MLXIP: variants seen among roughly 807,000 people sequenced by gnomAD.
MLXIP encodes the protein MLX-interacting protein.
In MLXIP, 30 loss-of-function variants were observed where a neutral mutation model predicts 87.2. The ratio of observed to expected loss-of-function variants is 0.34; its 90% confidence interval spans 0.26 to 0.47. The LOEUF (loss-of-function observed/expected upper bound fraction) is 0.47. MLXIP is among the 20% of genes least tolerant of loss of function. MLXIP has a pLI of 1.00. For synonymous variants in MLXIP, 530 were observed against 514.0 expected (o/e 1.03, Z -0.42); for missense variants, 1,002 against 1,240.1 (o/e 0.81, Z 2.88).
At chr12:122,134,209 T>C (rs1593113504) in intron 9 of MLXIP, 2 of 629,878 alleles carry the variant, frequency 3.2e-6, no homozygotes, top group East Asian at 3.1e-5. Flanking sequence ...TGTTTGGTTT[T>C]TTTTTTTTTG....
intron 1 of MLXIP, among the ~76,000 whole-genome samples, chr12:122,121,010 G>GATTTTT (rs1893326696): frequency 8.9e-6 from 1 of 111,910 alleles, no homozygotes; most frequent in Non-Finnish European, 1.7e-5. Flanking sequence ...TGCATGCTTG[G>GATTTTT]TTTTTTTTTT....
At chr12:122,094,656 TGGTGTGTGTGCA>T (rs1343859974) in intron 1 of MLXIP, among the ~76,000 whole-genome samples, 2 of 142,064 alleles carry the variant, frequency 1.4e-5, no homozygotes, top group Non-Finnish European at 3.1e-5. Context: ...TGTGGTGTGT[TGGTGTGTGTGCA>T]GGTGTGTGTG....
chr12:122,121,944 A>G (rs1180183855), intron 1 of MLXIP, among the ~76,000 whole-genome samples: 1 of 152,210 alleles, frequency 6.6e-6, no homozygotes, highest in Non-Finnish European at 1.5e-5. Context: ...TAATAACTGC[A>G]TATTTAAAAC....
chr12:122,095,931 C>T (rs1490680422), intron 1 of MLXIP, among the ~76,000 whole-genome samples: 1 of 151,918 alleles, frequency 6.6e-6, no homozygotes, highest in Non-Finnish European at 1.5e-5. Context: ...GTGGCGCGAT[C>T]TCAGCTCACT....
At chr12:122,108,867 G>T (rs1418072986) in intron 1 of MLXIP, among the ~76,000 whole-genome samples, 1 of 152,082 alleles carries the variant, frequency 6.6e-6, no homozygotes, top group Non-Finnish European at 1.5e-5. Flanking sequence ...TATTCTTCCA[G>T]GAGGCCTTCA....
chr12:122,109,268 T>C (rs1000487343), intron 1 of MLXIP, among the ~76,000 whole-genome samples: 3 of 152,086 alleles, frequency 2.0e-5, no homozygotes, highest in African/African-American at 4.8e-5. Context: ...GGGGTTGCAC[T>C]GTGTTGGCTA....
Position 122,133,700 on chromosome 12 carries a change from C to G in MLXIP, c.1445C>G (p.Ser482Cys). 1.9e-6 allele frequency: 3 copies of G among 1,613,778 alleles called. No individual in the cohort carries two copies. The highest frequency in any genetic ancestry group is 2.5e-6 in the Non-Finnish European group (3 of 1,179,846). ...TTTGCTGGAGTCAACAAAGCGCCGT[C>G]TGTCATCACCCACACGGCCTCTGCC... ...QKFAGVNKAP[S>C]VITHTASATL... The change falls in exon 9 of 17, where the codon TCT becomes TGT. Residue 482 changes from serine (S) to cysteine (C), a missense_variant. Coordinates refer to ENST00000319080, the MANE Select transcript of MLXIP (RefSeq NM_014938.6). This position sits in a 1 kb window ranked among gnomAD's most constrained non-coding sequence, Gnocchi z 4.9.
intron 1 of MLXIP, among the ~76,000 whole-genome samples, chr12:122,124,759 G>A (rs557623670): frequency 5.9e-5 from 9 of 152,100 alleles, no homozygotes; most frequent in East Asian, 1.9e-4. Flanking sequence ...TGCCAGGCAC[G>A]GTGGTGCATG....
At chr12:122,131,795 C>G (rs998665332) in intron 7 of MLXIP, among the ~76,000 whole-genome samples, 1 of 151,936 alleles carries the variant, frequency 6.6e-6, no homozygotes, top group Non-Finnish European at 1.5e-5. Flanking sequence ...GTGGCAAGAA[C>G]ACGGCTCACT....
chr12:122,120,153 TTC>T (rs2135956462), intron 1 of MLXIP, among the ~76,000 whole-genome samples: 1 of 117,938 alleles, frequency 8.5e-6, no homozygotes, highest in African/African-American at 3.6e-5. Context: ...GAATATTTTT[TTC>T]TTTCTTTCCC....
chr12:122,126,187 C>T (rs1952878616), intron 1 of MLXIP, among the ~76,000 whole-genome samples: 1 of 152,254 alleles, frequency 6.6e-6, no homozygotes, highest in Non-Finnish European at 1.5e-5. Flanking sequence ...CCCAAGACAG[C>T]TGTGCCACCA....
At chr12:122,087,283 C>T (rs1391503256) in intron 1 of MLXIP, among the ~76,000 whole-genome samples, 1 of 152,180 alleles carries the variant, frequency 6.6e-6, no homozygotes, top group Non-Finnish European at 1.5e-5. Context: ...CGGGTTAGTC[C>T]TCTCCCCTCA....
In MLXIP at chr12:122,141,834, G is replaced by A. The variant is rs11057509; in HGVS notation, c.*22G>A. 0.19 allele frequency: 309,987 copies of A among 1,611,322 alleles called. 31,582 individuals are homozygous for A. Among genetic ancestry groups the A allele is most frequent in the East Asian group, 0.26 (11,867 of 44,844 alleles). ...CTAGCTGCTTAGCTGGCATGTGGCC[G>A]CATGAGATGCCAGGAGACCCTTCCC... On this transcript the variant is annotated 3_prime_UTR_variant, in exon 17 of 17. Transcript: ENST00000319080.
chr12:122,106,329 C>G (rs1469648787), intron 1 of MLXIP, among the ~76,000 whole-genome samples: 1 of 152,200 alleles, frequency 6.6e-6, no homozygotes, highest in Non-Finnish European at 1.5e-5. Context: ...CCACTGGGTG[C>G]CCCTCCATTG....
At chr12:122,083,455 C>A (rs1373714770) in intron 1 of MLXIP, among the ~76,000 whole-genome samples, 1 of 151,592 alleles carries the variant, frequency 6.6e-6, no homozygotes, top group Non-Finnish European at 1.5e-5. Context: ...GCTCATGTTG[C>A]CCAGTCTGGA....
intron 1 of MLXIP, among the ~76,000 whole-genome samples, chr12:122,079,503 C>T (rs1001930920): frequency 2.0e-5 from 3 of 152,182 alleles, no homozygotes; most frequent in Non-Finnish European, 4.4e-5. Flanking sequence ...CCATCCAGGC[C>T]CTCCCCTCCA....
At position 122,133,523 on chromosome 12, in the gene MLXIP, G is replaced by C. The variant is rs751988909; in HGVS notation, c.1268G>C (p.Ser423Thr). 6.2e-7 allele frequency: 1 copy of C among 1,610,962 alleles called. No individual in the cohort carries two copies. Reference sequence around the variant, plus strand: ...TTCGGTCCCTCAGAGCCGCCACTGAGTGTCCCGCAGCCCTTCCTCCCTGTC... The same window carrying C: ...TTCGGTCCCTCAGAGCCGCCACTGACTGTCCCGCAGCCCTTCCTCCCTGTC... Reference protein sequence around the residue: ...TDFGPSEPPLSVPQPFLPVFT... With the variant: ...TDFGPSEPPLTVPQPFLPVFT... The change falls in exon 9 of 17, where the codon AGT becomes ACT. Residue 423 changes from serine (S) to threonine (T), a missense_variant. By Grantham distance (58) the Ser-to-Thr change is moderately conservative. Coordinates refer to ENST00000319080, the MANE Select transcript of MLXIP (RefSeq NM_014938.6). This position sits in a 1 kb window ranked among gnomAD's most constrained non-coding sequence, Gnocchi z 4.9.
chr12:122,125,120 C>T (rs1322965930), intron 1 of MLXIP, among the ~76,000 whole-genome samples: 1 of 152,156 alleles, frequency 6.6e-6, no homozygotes, highest in Non-Finnish European at 1.5e-5. Context: ...GAGCTGAGGT[C>T]GCGCCATTGC....
rs915380316 is a variant in MLXIP at position 122,144,684 on chromosome 12, A to G, written c.*2872A>G. 2.0e-5 allele frequency: 3 copies of G among 152,170 alleles called. No homozygotes were observed. Among genetic ancestry groups the G allele is most frequent in the East Asian group, 1.9e-4 (1 of 5,196 alleles). 9.4% of individuals were successfully genotyped at this position (152,170 alleles called of 1,614,324 possible). On this transcript the variant is annotated 3_prime_UTR_variant, in exon 17 of 17. Transcript: ENST00000319080. ...GTGGATCACCTGCAGTCAGGAGTTC[A>G]CAACCAGCCTGACCAACATGGTGAA...
Sources: allele counts gnomAD v4.1 joint callset (sites outside exome capture counted in the v4.1 genomes callset), GRCh38; gene constraint gnomAD v4.1.1; non-coding constraint Gnocchi (gnomAD v3.1); transcripts MANE v1.5; gene names NCBI Gene and HGNC (gene_info 2026-07-23, HGNC 2026-07-21).